MED12L: variants seen among roughly 807,000 people sequenced by gnomAD.
MED12L encodes mediator of RNA polymerase II transcription subunit 12-like protein.
Under a neutral mutation model 281.3 loss-of-function variants are expected in MED12L, and 60 were observed. That is an observed-to-expected ratio of 0.21 (90% confidence interval 0.17 to 0.26). The LOEUF is 0.26. Ranked by LOEUF, MED12L falls within the 10% of genes least tolerant of loss-of-function variation. The probability of loss-of-function intolerance (pLI) is 1.00; values close to 1 mark genes in which losing one functional copy is unlikely to be tolerated. For missense variants in MED12L, 2,146 were observed against 2,680.9 expected, an observed-to-expected ratio of 0.80 and a Z score of 4.41; for synonymous variants, 974 against 987.2, an observed-to-expected ratio of 0.99 and a Z score of 0.25.
At chr3:151,426,134 A>T (rs758261253) in intron 43 of MED12L, among the ~76,000 whole-genome samples, 1 of 152,188 alleles carries the variant, frequency 6.6e-6, no homozygotes, top group Non-Finnish European at 1.5e-5. Context: ...TAAAAATTCA[A>T]CTCCCACCAC....
intron 16 of MED12L, chr3:151,338,980 G>A: frequency 1.3e-6 from 1 of 795,648 alleles, no homozygotes; most frequent in Non-Finnish European, 2.1e-6. Context: ...CATCTTCATT[G>A]TAGTAGTTAG....
intron 5 of MED12L, among the ~76,000 whole-genome samples, chr3:151,136,303 C>G (rs1230230252): frequency 6.6e-6 from 1 of 152,202 alleles, no homozygotes; most frequent in African/African-American, 2.4e-5. Flanking sequence ...CAGTTTGGGT[C>G]TGTGAAGACA....
chr3:151,108,441 G>A (rs888304350), intron 2 of MED12L, among the ~76,000 whole-genome samples: 17 of 152,162 alleles, frequency 1.1e-4, no homozygotes, highest in Non-Finnish European at 4.4e-5. Flanking sequence ...CTGTGATGGG[G>A]ATTATCATAG....
At position 151,165,930 on chromosome 3, in the gene MED12L, A is replaced by G. The variant is rs1438917164; in HGVS notation, c.1442A>G (p.Glu481Gly). 1.2e-6 allele frequency: 2 copies of G among 1,613,954 alleles called. No individual in the cohort carries two copies. Among genetic ancestry groups the G allele is most frequent in the Non-Finnish European group, 1.7e-6 (2 of 1,179,898 alleles). ...CGAACTGATTCCAGCAATTCCATGG[A>G]GACACTTTATCATAAGATTTTCTGG... The part of the protein sequence containing the change: ...FDRTDSSNSM[E>G]TLYHKIFWAN... Residue 481 changes from glutamate (E) to glycine (G), a missense_variant, in exon 11 of 45, where the codon GAG (glutamate) becomes GGG (glycine). Glu to Gly is a moderately conservative substitution (Grantham distance 98). Coordinates refer to ENST00000687756, the MANE Select transcript of MED12L (RefSeq NM_001393769.1).
rs751380586 is a variant in MED12L, at chr3:151,384,111, C to T, written c.4819C>T (p.Leu1607=). 8.7e-6 allele frequency: 14 copies of T among 1,613,702 alleles called. No homozygotes were observed. The highest frequency in any genetic ancestry group is 4.5e-5 in the East Asian group (2 of 44,850). ...ATTATTCACAACAGTTCTTGACATGCTGGGTGTTTTAATCAATGGAACGTT... is the reference window on the plus strand; with the variant it reads ...ATTATTCACAACAGTTCTTGACATGTTGGGTGTTTTAATCAATGGAACGTT... ...NELFTTVLDM[L]GVLINGTLAS... Residue 1607 remains leucine, a synonymous_variant, in exon 35 of 45, where the codon CTG becomes TTG. Transcript: ENST00000687756.
At chr3:151,224,444 C>T (rs1730068905) in intron 16 of MED12L, among the ~76,000 whole-genome samples, 1 of 150,818 alleles carries the variant, frequency 6.6e-6, no homozygotes, top group Non-Finnish European at 1.5e-5. Flanking sequence ...TAATGTTTAA[C>T]ACTTTTTTTT....
chr3:151,413,227 G>T lies in MED12L; in HGVS notation c.6229G>T (p.Val2077Leu), dbSNP rs770385900. 6.2e-7 allele frequency: 1 copy of T among 1,614,086 alleles called. No individual in the cohort carries two copies. Among genetic ancestry groups the T allele is most frequent in the Non-Finnish European group, 8.5e-7 (1 of 1,180,010 alleles). Reference sequence around the variant, plus strand: ...TTCTGCACATCCAAACCTTCCCTCCGTGCCCCTGCCTCAGGATCCCATGAG... The same window carrying T: ...TTCTGCACATCCAAACCTTCCCTCCTTGCCCCTGCCTCAGGATCCCATGAG... ...LTSAHPNLPSVPLPQDPMRPR... is the reference protein window; with the variant it reads ...LTSAHPNLPSLPLPQDPMRPR... The change falls in exon 42 of 45, where the codon GTG becomes TTG. Residue 2077 changes from valine to leucine, a missense_variant. This residue lies in a region of MED12L where 496 missense variants were observed against 512.0 expected (regional missense o/e 0.97). Coordinates refer to ENST00000687756, the MANE Select transcript of MED12L (RefSeq NM_001393769.1).
At position 151,202,507 on chromosome 3, in the gene MED12L, C is replaced by T. The variant is rs1339212440; in HGVS notation, c.2250+8841C>T. Among the ~76,000 whole-genome samples the T allele has an allele frequency of 2.0e-5, 3 of 152,188 alleles. No homozygotes were observed. In the East Asian group the frequency reaches 5.8e-4, roughly 29 times the overall value. On this transcript the variant is annotated intron_variant, in intron 16 of 44. Coordinates refer to ENST00000687756, the MANE Select transcript of MED12L (RefSeq NM_001393769.1). ...CCAACATGGTGAAATCCTGTCTCTA[C>T]TAAAAATACAAAAATTAGCCAACGC...
intron 44 of MED12L, 57 bp downstream of exon 44, chr3:151,430,437 A>T (rs1719353983): frequency 6.2e-7 from 1 of 1,605,654 alleles, no homozygotes; most frequent in South Asian, 1.1e-5. Flanking sequence ...AAAATAAGCC[A>T]GCGAAACGTA....
chr3:151,282,362 T>G (rs1202794102), intron 16 of MED12L, among the ~76,000 whole-genome samples: 1 of 151,958 alleles, frequency 6.6e-6, no homozygotes, highest in Admixed American at 6.6e-5. Context: ...TTTTTTGTTT[T>G]TTTTTGTTTG....
At chr3:151,290,555 A>T (rs1411548070) in intron 16 of MED12L, among the ~76,000 whole-genome samples, 2 of 151,976 alleles carry the variant, frequency 1.3e-5, no homozygotes, top group African/African-American at 2.4e-5. Flanking sequence ...ATACATTTTT[A>T]AAATTTTTCT....
intron 16 of MED12L, among the ~76,000 whole-genome samples, chr3:151,206,851 A>G (rs1726450179): frequency 6.6e-6 from 1 of 151,636 alleles, no homozygotes; most frequent in Non-Finnish European, 1.5e-5. Flanking sequence ...TCACCGTGTT[A>G]GCCAGGATGG....
At chr3:151,164,750 CA>C (rs1233163431) in intron 9 of MED12L, among the ~76,000 whole-genome samples, 3 of 142,744 alleles carry the variant, frequency 2.1e-5, no homozygotes, top group Admixed American at 1.4e-4. Context: ...ATTGCAAGGA[CA>C]AAAAAAAACC....
At chr3:151,160,837 C>G (rs544579512) in intron 8 of MED12L, among the ~76,000 whole-genome samples, 1 of 152,328 alleles carries the variant, frequency 6.6e-6, no homozygotes, top group East Asian at 1.9e-4. Flanking sequence ...AGGGGAACCT[C>G]TAGTCCAGCC....
intron 16 of MED12L, among the ~76,000 whole-genome samples, chr3:151,334,196 C>CTTTTTTTT (rs71138494): frequency 5.1e-5 from 6 of 118,230 alleles, no homozygotes; most frequent in East Asian, 2.5e-4. Flanking sequence ...TTCTTTCTTT[C>CTTTTTTTT]TTTTTTTTTT....
intron 16 of MED12L, among the ~76,000 whole-genome samples, chr3:151,242,188 G>A (rs1156429777): frequency 2.0e-5 from 3 of 152,344 alleles, no homozygotes; most frequent in Middle Eastern, 3.4e-3. Context: ...GCAGCAACAC[G>A]GCTGGGGGAG....
intron 16 of MED12L, among the ~76,000 whole-genome samples, chr3:151,349,021 A>G (rs1752911508): frequency 6.6e-6 from 1 of 152,246 alleles, no homozygotes; most frequent in Admixed American, 6.5e-5. Flanking sequence ...AGTGCTTGCC[A>G]TGGGCAAAAA....
rs573419924 is a variant in MED12L at position 151,151,031 on chromosome 3, C to CTTTTTTTT, written c.557-5114_557-5107dup. On this transcript the variant is annotated intron_variant, in intron 5 of 44. Transcript: ENST00000687756. ...ATCATTTGTATGACTGCTGAAGTAG[C>CTTTTTTTT]TTTTTTTTTTTTTTTTTTTTTTTGA... Among the ~76,000 whole-genome samples the CTTTTTTTT allele has an allele frequency of 1.2e-3, 39 of 32,884 alleles. 9 individuals are homozygous for CTTTTTTTT. Among genetic ancestry groups the CTTTTTTTT allele is most frequent in the South Asian group, 2.9e-3 (2 of 678 alleles). 21.6% of individuals were successfully genotyped at this position (32,884 alleles called of 152,430 possible). A position where few individuals can be genotyped will look rare whatever the true frequency, so the allele number is the denominator to read the frequency against.
chr3:151,130,310 A>G (rs894030550), intron 5 of MED12L, among the ~76,000 whole-genome samples: 5 of 152,094 alleles, frequency 3.3e-5, no homozygotes, highest in Non-Finnish European at 7.4e-5. Flanking sequence ...CCTGGTATTT[A>G]TCTTTCTCTC....
Sources: gnomAD v4.1 joint callset for allele counts (sites outside exome capture counted in the v4.1 genomes callset) on GRCh38, gnomAD v4.1.1 for gene constraint, gnomAD v4.1.1 regional missense constraint, MANE v1.5 for transcripts, NCBI Gene and HGNC (gene_info 2026-07-23, HGNC 2026-07-21) for gene names.